The following CNTNAP2 variants were observed in gnomAD, a reference collection of about 807,000 sequenced individuals.
The protein encoded by CNTNAP2 is contactin associated protein 2.
Under a neutral mutation model 155.2 loss-of-function variants are expected in CNTNAP2, and 98 were observed. That is an observed-to-expected ratio of 0.63 (90% confidence interval 0.54 to 0.75). The LOEUF (loss-of-function observed/expected upper bound fraction) is 0.75, where lower values mean the gene tolerates loss of function less well. Ranked by LOEUF, CNTNAP2 falls within the 30% of genes least tolerant of loss-of-function variation. CNTNAP2 has a pLI of 0.00. For synonymous variants in CNTNAP2, 651 were observed against 631.2 expected, an observed-to-expected ratio of 1.03 and a Z score of -0.47; for missense variants, 1,727 against 1,688.1, an observed-to-expected ratio of 1.02 and a Z score of -0.40.
At chr7:146,509,454 A>C (rs902600807) in intron 1 of CNTNAP2, among the ~76,000 whole-genome samples, 2 of 152,196 alleles carry the variant, frequency 1.3e-5, no homozygotes, top group Non-Finnish European at 2.9e-5. Flanking sequence ...CGCTGCCAGC[A>C]CTGTTTACTT....
At chr7:146,234,797 C>T (rs1799444381) in intron 1 of CNTNAP2, among the ~76,000 whole-genome samples, 1 of 152,058 alleles carries the variant, frequency 6.6e-6, no homozygotes, top group African/African-American at 2.4e-5. Flanking sequence ...AAATGTATAC[C>T]TATATTGGAA....
rs908458433 is a variant in CNTNAP2, at chr7:146,667,667, T to G, written c.98-106604T>G. The stretch of plus-strand genomic sequence containing the variant: ...TTTTTTCATCAGTGTTTTGCAGTTT[T>G]CCTTTTAAAGGTTTTGTACCTCCTT... On this transcript the variant is annotated intron_variant, in intron 1 of 23. Coordinates refer to ENST00000361727, the MANE Select transcript of CNTNAP2 (RefSeq NM_014141.6). 2.0e-5 allele frequency among the ~76,000 whole-genome samples: 3 copies of G among 152,186 alleles called. No individual in the cohort carries two copies. The South Asian group carries it at 6.2e-4, about 32-fold the overall frequency.
intron 13 of CNTNAP2, among the ~76,000 whole-genome samples, chr7:147,735,350 C>A (rs1007037172): frequency 1.3e-5 from 2 of 152,050 alleles, no homozygotes; most frequent in African/African-American, 4.8e-5. Context: ...GTTTCTTAAT[C>A]CTGAGTTCTA....
chr7:146,172,627 A>T (rs1219437535), intron 1 of CNTNAP2, among the ~76,000 whole-genome samples: 2 of 152,058 alleles, frequency 1.3e-5, no homozygotes, highest in East Asian at 3.9e-4. Flanking sequence ...ACCACACTAG[A>T]TCTTCAATAA....
At chr7:146,500,512 A>G (rs1361730770) in intron 1 of CNTNAP2, among the ~76,000 whole-genome samples, 2 of 152,128 alleles carry the variant, frequency 1.3e-5, no homozygotes, top group Non-Finnish European at 1.5e-5. Context: ...TAATCCGGTG[A>G]GTTTCAGTTC....
intron 1 of CNTNAP2, among the ~76,000 whole-genome samples, chr7:146,341,175 T>C (rs1165327513): frequency 6.6e-6 from 1 of 152,176 alleles, no homozygotes; most frequent in Admixed American, 6.5e-5. Flanking sequence ...ATTCATGTTA[T>C]TTTTCTAAGC....
chr7:146,993,091 A>G lies in CNTNAP2; in HGVS notation c.403-50816A>G, dbSNP rs564221258. Among the ~76,000 whole-genome samples the G allele has an allele frequency of 2.6e-5, 4 of 152,330 alleles. No homozygotes were observed. In the South Asian group the frequency reaches 6.2e-4, roughly 24 times the overall value. ...GCAGGAGAGATGGAGGCAATAGAGC[A>G]TGAGTAAAAGTTTATCATAAAAGCT... On this transcript the variant is annotated intron_variant, in intron 3 of 23. Coordinates refer to ENST00000361727, the MANE Select transcript of CNTNAP2 (RefSeq NM_014141.6).
chr7:148,414,188 C>T (rs557652039), intron 23 of CNTNAP2, among the ~76,000 whole-genome samples: 74 of 150,712 alleles, frequency 4.9e-4, no homozygotes, highest in Non-Finnish European at 9.0e-4. Context: ...GCGATTCTCA[C>T]GCCTCAGCAT....
At chr7:147,613,010 A>G (rs1801216848) in intron 12 of CNTNAP2, among the ~76,000 whole-genome samples, 1 of 152,168 alleles carries the variant, frequency 6.6e-6, no homozygotes, top group African/African-American at 2.4e-5. Flanking sequence ...TTTAATGTTC[A>G]AGAATTCCTT....
intron 1 of CNTNAP2, among the ~76,000 whole-genome samples, chr7:146,198,559 C>T (rs535736619): frequency 1.3e-5 from 2 of 152,250 alleles, no homozygotes; most frequent in South Asian, 2.1e-4. Context: ...ATGTTCCTGA[C>T]TCATGTGCCT....
Position 147,166,616 on chromosome 7 carries a change from T to C in CNTNAP2, c.1348+34107T>C, listed in dbSNP as rs891811405. Among the ~76,000 whole-genome samples the C allele has an allele frequency of 4.6e-5, 7 of 152,232 alleles. No individual in the cohort carries two copies. In the East Asian group the frequency reaches 1.2e-3, roughly 25 times the overall value. Reference sequence around the variant, plus strand: ...GGCTTTGTGTGAGCAATAAAGCTGTTTATTTCACCTGGGTGCAGGCGGGCT... The same window carrying C: ...GGCTTTGTGTGAGCAATAAAGCTGTCTATTTCACCTGGGTGCAGGCGGGCT... On this transcript the variant is annotated intron_variant, in intron 8 of 23. Coordinates refer to ENST00000361727, the MANE Select transcript of CNTNAP2 (RefSeq NM_014141.6).
At chr7:146,826,303 A>G (rs1803399644) in intron 2 of CNTNAP2, among the ~76,000 whole-genome samples, 3 of 152,090 alleles carry the variant, frequency 2.0e-5, no homozygotes, top group Admixed American at 2.0e-4. Context: ...AGGATTTGAG[A>G]ATCTATTTTT....
intron 21 of CNTNAP2, among the ~76,000 whole-genome samples, chr7:148,352,078 G>A (rs947056874): frequency 2.0e-5 from 3 of 152,194 alleles, no homozygotes; most frequent in African/African-American, 7.2e-5. Flanking sequence ...TCAGATAAGT[G>A]TGTGGTAGGC....
intron 12 of CNTNAP2, among the ~76,000 whole-genome samples, chr7:147,582,363 G>A (rs992599889): frequency 6.6e-6 from 1 of 152,082 alleles, no homozygotes; most frequent in Admixed American, 6.6e-5. Flanking sequence ...TATGGACTCA[G>A]AGGTTATAAG....
At chr7:148,112,847 A>G (rs527700303) in intron 15 of CNTNAP2, among the ~76,000 whole-genome samples, 6 of 150,392 alleles carry the variant, frequency 4.0e-5, no homozygotes, top group African/African-American at 1.5e-4. Context: ...ATCAATAAGT[A>G]GCTCCAGAGG....
intron 1 of CNTNAP2, among the ~76,000 whole-genome samples, chr7:146,770,294 TTA>T (rs200004308): frequency 4.8e-4 from 69 of 143,916 alleles, no homozygotes; most frequent in African/African-American, 9.9e-4. Context: ...CGAAATGGAA[TTA>T]TATATATATA....
At chr7:147,817,091 G>C (rs1798277313) in intron 13 of CNTNAP2, among the ~76,000 whole-genome samples, 1 of 152,048 alleles carries the variant, frequency 6.6e-6, no homozygotes. Context: ...AACAAACAGA[G>C]AAATCCAGAA....
chr7:147,268,013 C>A (rs1804655558), intron 8 of CNTNAP2, among the ~76,000 whole-genome samples: 1 of 152,160 alleles, frequency 6.6e-6, no homozygotes, highest in South Asian at 2.1e-4. Context: ...TGGTCTTTCA[C>A]TTTTCCCTGA....
intron 15 of CNTNAP2, among the ~76,000 whole-genome samples, chr7:148,030,776 T>C (rs1052260387): frequency 6.6e-6 from 1 of 151,856 alleles, no homozygotes; most frequent in African/African-American, 2.4e-5. Context: ...AATAAACTAT[T>C]AAGTGAGTTA....
Sources: allele counts gnomAD v4.1 joint callset (sites outside exome capture counted in the v4.1 genomes callset), GRCh38; gene constraint gnomAD v4.1.1; transcripts MANE v1.5; gene names NCBI Gene and HGNC (gene_info 2026-07-23, HGNC 2026-07-21).